BCL2: variants seen among roughly 807,000 people sequenced by gnomAD.
The protein encoded by BCL2 is apoptosis regulator Bcl-2.
A neutral mutation model predicts 14.2 loss-of-function variants in BCL2; 1 was observed. The observed-to-expected ratio is 0.07, with a 90% CI of 0.02 to 0.33. The LOEUF is 0.33. BCL2 is among the 10% of genes least tolerant of loss of function. BCL2 has a pLI of 0.99. For missense variants in BCL2, 247 were observed against 305.9 expected, an observed-to-expected ratio of 0.81 and a Z score of 1.44; for synonymous variants, 151 against 137.2, an observed-to-expected ratio of 1.10 and a Z score of -0.70.
chr18:63,235,658 A>C (rs1483866506), intron 2 of BCL2, among the ~76,000 whole-genome samples: 2 of 151,824 alleles, frequency 1.3e-5, no homozygotes, highest in East Asian at 1.9e-4. Flanking sequence ...TCAGGGAAGG[A>C]AAAAGCGGGT....
Position 63,311,723 on chromosome 18 carries a change from C to T in BCL2, c.585+6359G>A, listed in dbSNP as rs577579374. On this transcript the variant is annotated intron_variant, in intron 2 of 2. Coordinates refer to ENST00000333681, the MANE Select transcript of BCL2 (RefSeq NM_000633.3). ...CCCATTGACGCATGTGGCCCAAACG[C>T]GATGCTCAAGGGCAGGTGTCTTCCA... Among the ~76,000 whole-genome samples the T allele has an allele frequency of 1.1e-4, 17 of 152,248 alleles. No individual in the cohort carries two copies. In the South Asian group the frequency reaches 2.9e-3, roughly 26 times the overall value.
At chr18:63,267,960 C>T (rs926650700) in intron 2 of BCL2, among the ~76,000 whole-genome samples, 7 of 152,156 alleles carry the variant, frequency 4.6e-5, no homozygotes, top group African/African-American at 1.4e-4. Context: ...GGTTTCCTTA[C>T]ATGCTTCACG....
At chr18:63,148,364 C>G (rs1366636453) in intron 2 of BCL2, among the ~76,000 whole-genome samples, 1 of 151,978 alleles carries the variant, frequency 6.6e-6, no homozygotes, top group Non-Finnish European at 1.5e-5. Flanking sequence ...AAAAGAAATG[C>G]AATTACAAGG....
chr18:63,218,775 C>CCTCTACTCATCCCA (rs1910296260), intron 2 of BCL2, among the ~76,000 whole-genome samples: 1 of 102,430 alleles, frequency 9.8e-6, no homozygotes, highest in Non-Finnish European at 2.2e-5. Flanking sequence ...TACTCATCCC[C>CCTCTACTCATCCCA]ATCCTCCACT....
At chr18:63,234,090 T>A (rs186652121) in intron 2 of BCL2, among the ~76,000 whole-genome samples, 216 of 152,352 alleles carry the variant, frequency 1.4e-3, no homozygotes, top group African/African-American at 4.9e-3. Context: ...AATTTAATTT[T>A]ATTTTATTTT....
chr18:63,312,127 C>A, intron 2 of BCL2, among the ~76,000 whole-genome samples: 1 of 152,256 alleles, frequency 6.6e-6, no homozygotes, highest in East Asian at 1.9e-4. Context: ...GTTATCCTCT[C>A]ACTTTGATTA....
intron 2 of BCL2, among the ~76,000 whole-genome samples, chr18:63,289,434 A>T (rs1337586360): frequency 6.6e-6 from 1 of 152,204 alleles, no homozygotes; most frequent in African/African-American, 2.4e-5. Context: ...AAACAGCAGG[A>T]AAAAGATCCC....
chr18:63,298,678 C>T (rs190816180), intron 2 of BCL2, among the ~76,000 whole-genome samples: 18 of 152,350 alleles, frequency 1.2e-4, no homozygotes, highest in African/African-American at 3.6e-4. Context: ...CTATCTCTTT[C>T]TAGGACTATT....
intron 2 of BCL2, among the ~76,000 whole-genome samples, chr18:63,144,752 G>T (rs1424127346): frequency 6.6e-6 from 1 of 152,182 alleles, no homozygotes; most frequent in African/African-American, 2.4e-5. Context: ...CCACCCTGGT[G>T]GGTCCTAAAG....
intron 2 of BCL2, among the ~76,000 whole-genome samples, chr18:63,245,352 C>G (rs1263615449): frequency 6.6e-6 from 1 of 152,006 alleles, no homozygotes; most frequent in Non-Finnish European, 1.5e-5. Context: ...GACCAAGGAA[C>G]TCCATTTCTA....
intron 2 of BCL2, among the ~76,000 whole-genome samples, chr18:63,131,583 G>A (rs1914070795): frequency 6.6e-6 from 1 of 152,170 alleles, no homozygotes; most frequent in Admixed American, 6.5e-5. Flanking sequence ...ATGTCAACTA[G>A]TCCTCCCATC....
intron 2 of BCL2, among the ~76,000 whole-genome samples, chr18:63,273,140 T>C (rs1179085039): frequency 6.6e-6 from 1 of 152,230 alleles, no homozygotes; most frequent in Non-Finnish European, 1.5e-5. Context: ...GCAAATTTTA[T>C]AGACAAAATG....
intron 2 of BCL2, among the ~76,000 whole-genome samples, chr18:63,220,741 G>A (rs1188240321): frequency 6.6e-6 from 1 of 151,930 alleles, no homozygotes; most frequent in Non-Finnish European, 1.5e-5. Context: ...GCTAGAAAAG[G>A]TGAAAAACCC....
intron 2 of BCL2, among the ~76,000 whole-genome samples, chr18:63,238,445 A>C (rs1319365230): frequency 6.6e-6 from 1 of 152,254 alleles, no homozygotes; most frequent in Admixed American, 6.5e-5. Flanking sequence ...GATTGTTATA[A>C]ATCAGAAACT....
At chr18:63,174,104 G>A (rs1160923090) in intron 2 of BCL2, among the ~76,000 whole-genome samples, 1 of 152,084 alleles carries the variant, frequency 6.6e-6, no homozygotes, top group Non-Finnish European at 1.5e-5. Flanking sequence ...AATACTATAT[G>A]TATATATGAC....
At chr18:63,137,226 G>T (rs1914229824) in intron 2 of BCL2, among the ~76,000 whole-genome samples, 1 of 152,218 alleles carries the variant, frequency 6.6e-6, no homozygotes, top group Admixed American at 6.5e-5. Context: ...ATCATTTTCT[G>T]CAAGCAACTT....
intron 2 of BCL2, among the ~76,000 whole-genome samples, chr18:63,254,658 T>C (rs1340688128): frequency 1.3e-5 from 2 of 152,172 alleles, no homozygotes; most frequent in Non-Finnish European, 2.9e-5. Flanking sequence ...ATTTGAAACA[T>C]CCATATGTTT....
At chr18:63,202,846 T>C (rs1909737534) in intron 2 of BCL2, among the ~76,000 whole-genome samples, 1 of 152,202 alleles carries the variant, frequency 6.6e-6, no homozygotes, top group Non-Finnish European at 1.5e-5. Context: ...CATCAGGGGC[T>C]CTCTAAACAA....
rs886702866 is a variant in BCL2, at chr18:63,297,212, C to CA, written c.585+20869dup. The stretch of plus-strand genomic sequence containing the variant: ...TGGGCGACACAGCGAAACTCTGTCT[C>CA]AAAAAAAAAAGAAAGAAAGAAATAT... On this transcript the variant is annotated intron_variant, in intron 2 of 2. Coordinates refer to ENST00000333681, the MANE Select transcript of BCL2 (RefSeq NM_000633.3). Among the ~76,000 whole-genome samples, 44 of 140,960 alleles carry CA rather than the reference C, an allele frequency of 3.1e-4. 1 individual carries two copies. Among genetic ancestry groups the CA allele is most frequent in the Middle Eastern group, 3.7e-3 (1 of 268 alleles). The allele number at this position is 140,960 out of a possible 152,430, so 92.5% of individuals were successfully genotyped here. A position where few individuals can be genotyped will look rare whatever the true frequency, so the allele number is the denominator to read the frequency against.
Sources: allele counts gnomAD v4.1 joint callset (sites outside exome capture counted in the v4.1 genomes callset), GRCh38; gene constraint gnomAD v4.1.1; transcripts MANE v1.5; gene names NCBI Gene and HGNC (gene_info 2026-07-23, HGNC 2026-07-21).